TBC1D14: variants seen among roughly 807,000 people sequenced by gnomAD.
TBC1D14 encodes TBC1 domain family, member 14.
In TBC1D14, 26 loss-of-function variants were observed where a neutral mutation model predicts 79.0. That is an observed-to-expected ratio of 0.33 (90% CI 0.24 to 0.46). The LOEUF is 0.46. TBC1D14 is among the 20% of genes least tolerant of loss of function. The probability of loss-of-function intolerance (pLI) is 1.00; values close to 1 mark genes in which losing one functional copy is unlikely to be tolerated. For missense variants in TBC1D14, 769 were observed against 887.6 expected, an observed-to-expected ratio of 0.87 and a Z score of 1.70; for synonymous variants, 394 against 349.9, an observed-to-expected ratio of 1.13 and a Z score of -1.40.
intron 2 of TBC1D14, among the ~76,000 whole-genome samples, chr4:6,929,866 G>A (rs996880421): frequency 6.6e-6 from 1 of 152,194 alleles, no homozygotes; most frequent in African/African-American, 2.4e-5. Flanking sequence ...CACTTCTGTC[G>A]CTTTCTAAAG....
chr4:7,027,529 C>T (rs866221523), intron 13 of TBC1D14, among the ~76,000 whole-genome samples: 40 of 147,712 alleles, frequency 2.7e-4, no homozygotes, highest in African/African-American at 9.5e-4. Flanking sequence ...ACCCCACACA[C>T]ACATCACATA....
At chr4:7,002,611 G>A (rs971269802) in intron 7 of TBC1D14, among the ~76,000 whole-genome samples, 4 of 152,246 alleles carry the variant, frequency 2.6e-5, no homozygotes, top group African/African-American at 9.6e-5. Context: ...CAGTGTCAGT[G>A]GCCCCCGCTA....
At chr4:6,994,020 C>A (rs559403592) in intron 3 of TBC1D14, among the ~76,000 whole-genome samples, 164 bp from the exon 4 acceptor site, 1 of 152,108 alleles carries the variant, frequency 6.6e-6, no homozygotes, top group Non-Finnish European at 1.5e-5. Context: ...CAGAAAGACC[C>A]CTTTAGTCAG....
intron 3 of TBC1D14, among the ~76,000 whole-genome samples, chr4:6,989,360 C>G (rs1718249402): frequency 6.6e-6 from 1 of 152,178 alleles, no homozygotes; most frequent in African/African-American, 2.4e-5. Flanking sequence ...TGACTCTGCA[C>G]CATTCCCGGT....
At position 7,010,716 on chromosome 4, in the gene TBC1D14, A is replaced by G. The variant is rs183877721; in HGVS notation, c.1582A>G (p.Ile528Val). The G allele has an allele frequency of 6.2e-6, 10 of 1,614,048 alleles. No homozygotes were observed. Residue 528 changes from isoleucine to valine, a missense_variant, in exon 11 of 14, where the codon ATT (isoleucine) becomes GTT (valine). This residue lies in a region of TBC1D14 where 367 missense variants were observed against 494.4 expected (regional missense o/e 0.74). Coordinates refer to ENST00000409757, the MANE Select transcript of TBC1D14 (RefSeq NM_020773.3). ...ILNLDTADAF[I>V]AFSNLLNKPC... ...GAACTTAGATACTGCAGATGCCTTT[A>G]TTGCCTTTTCTAACCTTCTGAATAA...
At chr4:6,915,079 C>T (rs1479899972) in intron 1 of TBC1D14, among the ~76,000 whole-genome samples, 2 of 152,084 alleles carry the variant, frequency 1.3e-5, no homozygotes, top group African/African-American at 2.4e-5. Context: ...GGGGTTGGTG[C>T]TTGTGGAGCC....
chr4:7,013,660 G>A (rs753351312), intron 11 of TBC1D14, among the ~76,000 whole-genome samples: 5 of 152,164 alleles, frequency 3.3e-5, no homozygotes, highest in Non-Finnish European at 7.3e-5. Flanking sequence ...AGCTGGAGGG[G>A]TGCTGCCGTT....
rs777428014 is a variant in TBC1D14 at position 6,923,548 on chromosome 4, G to T, written c.159G>T (p.Arg53Ser). Reference protein sequence around the residue: ...APEYGPKLKLRALEDRHSLQS... With the variant: ...APEYGPKLKLSALEDRHSLQS... ...AGTACGGGCCCAAGCTGAAACTCAG[G>T]GCTTTAGAAGACCGGCACAGCCTCC... The change falls in exon 2 of 14, where the codon AGG (arginine) becomes AGT (serine). Residue 53 changes from arginine to serine, a missense_variant. This residue lies in a region of TBC1D14 where 402 missense variants were observed against 393.2 expected (regional missense o/e 1.02). Coordinates refer to ENST00000409757, the MANE Select transcript of TBC1D14 (RefSeq NM_020773.3). 1 of 1,614,160 alleles carries T rather than the reference G, an allele frequency of 6.2e-7. No individual in the cohort carries two copies. The highest frequency in any genetic ancestry group is 1.1e-5 in the South Asian group (1 of 91,078).
intron 12 of TBC1D14, among the ~76,000 whole-genome samples, chr4:7,021,935 C>G (rs1366457538): frequency 6.6e-6 from 1 of 152,196 alleles, no homozygotes; most frequent in Non-Finnish European, 1.5e-5. Context: ...CAGTAGCCCC[C>G]TTGTTCCGAC....
intron 13 of TBC1D14, among the ~76,000 whole-genome samples, chr4:7,029,493 G>A (rs1208208055): frequency 6.6e-6 from 1 of 152,254 alleles, no homozygotes; most frequent in Non-Finnish European, 1.5e-5. Context: ...CGTGGAGCCT[G>A]TTAGTGTTGC....
chr4:7,010,505 C>T, intron 10 of TBC1D14, 148 bp from the exon 11 acceptor site: 1 of 889,386 alleles, frequency 1.1e-6, no homozygotes, highest in Admixed American at 3.3e-5. Context: ...TGAGTGAGGG[C>T]AGTTCAGCGT....
chr4:6,996,255 C>T (rs1233412468), intron 4 of TBC1D14, 70 bp from the exon 5 acceptor site: 6 of 1,270,514 alleles, frequency 4.7e-6, no homozygotes, highest in East Asian at 4.7e-5. Context: ...GGAAATTATG[C>T]TTCAGGTTTT....
chr4:7,029,124 GC>G (rs1284831919), intron 13 of TBC1D14, among the ~76,000 whole-genome samples: 2 of 152,200 alleles, frequency 1.3e-5, no homozygotes, highest in African/African-American at 4.8e-5. Context: ...GCAGGCATGA[GC>G]CACCACGCCC....
chr4:6,942,821 A>G (rs1329734405), intron 2 of TBC1D14, among the ~76,000 whole-genome samples: 2 of 152,030 alleles, frequency 1.3e-5, no homozygotes, highest in African/African-American at 4.8e-5. Context: ...TTACCCTAAT[A>G]CCTGGCTGTT....
intron 3 of TBC1D14, among the ~76,000 whole-genome samples, chr4:6,972,319 A>G (rs534739218): frequency 3.0e-4 from 46 of 152,284 alleles, no homozygotes; most frequent in African/African-American, 8.4e-4. Context: ...GTGATAAGCA[A>G]TTCTTATCTC....
In TBC1D14 at chr4:7,004,832, C is replaced by A; in HGVS notation, c.1271-12C>A. ...TGTGCACGTAATACTTACCCAGAGG[C>A]TTTTCTTCCAGAGCTCTTTGACATC... On this transcript the variant is annotated splice_polypyrimidine_tract_variant and intron_variant, in intron 7 of 13. Transcript: ENST00000409757. 6.2e-7 allele frequency: 1 copy of A among 1,614,032 alleles called. No homozygotes were observed. The highest frequency in any genetic ancestry group is 1.1e-5 in the South Asian group (1 of 91,088).
intron 1 of TBC1D14, among the ~76,000 whole-genome samples, chr4:6,920,841 C>T (rs758467964): frequency 6.6e-6 from 1 of 151,574 alleles, no homozygotes; most frequent in Non-Finnish European, 1.5e-5. Context: ...TGCAGTGGCG[C>T]GATCTCCGCT....
chr4:6,942,897 T>G (rs1713045754), intron 2 of TBC1D14, among the ~76,000 whole-genome samples: 1 of 152,224 alleles, frequency 6.6e-6, no homozygotes, highest in Admixed American at 6.5e-5. Context: ...TGAGAGCAGT[T>G]ATTTTTAAAG....
intron 3 of TBC1D14, among the ~76,000 whole-genome samples, chr4:6,978,083 C>A (rs987525384): frequency 1.9e-4 from 28 of 149,590 alleles, no homozygotes; most frequent in Non-Finnish European, 3.1e-4. Context: ...GGTCAGCCCC[C>A]CGCCTGGCCA....
Sources: gnomAD v4.1 joint callset for allele counts (sites outside exome capture counted in the v4.1 genomes callset) on GRCh38, gnomAD v4.1.1 for gene constraint, gnomAD v4.1.1 regional missense constraint, MANE v1.5 for transcripts, NCBI Gene and HGNC (gene_info 2026-07-23, HGNC 2026-07-21) for gene names.